Variants in ERO1B observed in about 807,000 individuals in gnomAD.
The protein encoded by ERO1B is endoplasmic reticulum oxidoreductase 1 beta.
ERO1B carries 49 observed loss-of-function variants against 75.3 expected under a neutral mutation model. The ratio of observed to expected loss-of-function variants is 0.65; its 90% CI spans 0.52 to 0.83. The LOEUF is 0.83. Among genes scored for constraint, ERO1B ranks in the 40% least tolerant of loss-of-function variants. The pLI, the probability that ERO1B is intolerant of heterozygous loss-of-function variation, is 0.00. For missense variants in ERO1B, 512 were observed against 560.1 expected, an observed-to-expected ratio of 0.91 and a Z score of 0.87; for synonymous variants, 191 against 192.9, an observed-to-expected ratio of 0.99 and a Z score of 0.08.
intron 8 of ERO1B, among the ~76,000 whole-genome samples, chr1:236,235,428 G>C (rs1299605723): frequency 6.6e-6 from 1 of 152,088 alleles, no homozygotes; most frequent in African/African-American, 2.4e-5. Context: ...AACAATGCCT[G>C]GTGTTCTCAT....
Position 236,215,641 on chromosome 1 carries a change from C to T in ERO1B, c.*2875G>A, listed in dbSNP as rs1408942043. 1 of 152,200 alleles carries T rather than the reference C, an allele frequency of 6.6e-6. No homozygotes were observed. Among genetic ancestry groups the T allele is most frequent in the Non-Finnish European group, 1.5e-5 (1 of 68,042 alleles). The allele number at this position is 152,200 out of a possible 1,614,324, so 9.4% of individuals were successfully genotyped here. On this transcript the variant is annotated 3_prime_UTR_variant, in exon 16 of 16. Transcript: ENST00000354619. ...TTTGGAATTCTGTTCAAAATCAAAG[C>T]TGCACCTGTAGATATTCCTTAAAAT...
chr1:236,259,434 G>A (rs570472976), intron 2 of ERO1B, among the ~76,000 whole-genome samples: 2 of 152,268 alleles, frequency 1.3e-5, no homozygotes, highest in South Asian at 4.1e-4. Flanking sequence ...CCAATCAAAA[G>A]TGGATTGGAT....
Position 236,281,798 on chromosome 1 carries a change from A to G in ERO1B, c.-15T>C. On this transcript the variant is annotated 5_prime_UTR_variant, in exon 1 of 16. Coordinates refer to ENST00000354619, the MANE Select transcript of ERO1B (RefSeq NM_019891.4). ...CCTTGGCTCATGCTGACCTCTACCC[A>G]CACCGCGGCCAGCCGGACCCCTCGG... is the stretch of plus-strand genomic sequence containing the variant. 7.0e-7 allele frequency: 1 copy of G among 1,418,632 alleles called. No individual in the cohort carries two copies. The highest frequency in any genetic ancestry group is 9.3e-7 in the Non-Finnish European group (1 of 1,078,520). 87.9% of individuals were successfully genotyped at this position (1,418,632 alleles called of 1,614,324 possible). A position where few individuals can be genotyped will look rare whatever the true frequency, so the allele number is the denominator to read the frequency against.
chr1:236,279,068 A>G (rs1331125778), intron 1 of ERO1B, among the ~76,000 whole-genome samples: 1 of 152,246 alleles, frequency 6.6e-6, no homozygotes, highest in Non-Finnish European at 1.5e-5. Context: ...TGTATAGACC[A>G]GAAAGGGTTC....
chr1:236,251,527 G>GACCCC, intron 4 of ERO1B: 2 of 924,360 alleles, frequency 2.2e-6, no homozygotes, highest in Non-Finnish European at 2.6e-6. Flanking sequence ...GACAGAGAGA[G>GACCCC]AGGGTATGAT....
chr1:236,237,619 T>C (rs1278380310), intron 6 of ERO1B, among the ~76,000 whole-genome samples: 2 of 152,210 alleles, frequency 1.3e-5, no homozygotes, highest in African/African-American at 2.4e-5. Flanking sequence ...CCTTTATTTA[T>C]ATGCTTACTA....
In ERO1B at chr1:236,281,843, G is replaced by T; in HGVS notation, c.-60C>A. The stretch of plus-strand genomic sequence containing the variant: ...CCTCGGGGCCGGGGAACGACGGGCG[G>T]CCCAGGCGACGACCCAAGGGGACGG... On this transcript the variant is annotated 5_prime_UTR_variant, in exon 1 of 16. Coordinates refer to ENST00000354619, the MANE Select transcript of ERO1B (RefSeq NM_019891.4). The T allele has an allele frequency of 2.3e-6, 3 of 1,279,742 alleles. No individual in the cohort carries two copies. The highest frequency in any genetic ancestry group is 2.0e-6 in the Non-Finnish European group (2 of 986,404). 79.3% of individuals were successfully genotyped at this position (1,279,742 alleles called of 1,614,324 possible). A position where few individuals can be genotyped will look rare whatever the true frequency, so the allele number is the denominator to read the frequency against.
In ERO1B at chr1:236,220,900, C is replaced by T; in HGVS notation, c.1275G>A (p.Glu425=). The T allele has an allele frequency of 6.2e-7, 1 of 1,603,902 alleles. No homozygotes were observed. The highest frequency in any genetic ancestry group is 8.5e-7 in the Non-Finnish European group (1 of 1,175,400). ...FSEKEIQKLP[E]NSPSKGFQLT... Reference sequence around the variant, plus strand: ...GTTGGAAGCCTTTAGATGGACTATTCTCTGGAAGCTTTTGGATTTCTTTTT... The same window carrying T: ...GTTGGAAGCCTTTAGATGGACTATTTTCTGGAAGCTTTTGGATTTCTTTTT... The change falls in exon 15 of 16, where the codon GAG becomes GAA. Residue 425 remains glutamate, a synonymous_variant. Transcript: ENST00000354619.
intron 15 of ERO1B, 122 bp downstream of exon 15, chr1:236,220,710 A>G: frequency 9.9e-7 from 1 of 1,013,394 alleles, no homozygotes; most frequent in Non-Finnish European, 1.4e-6. Context: ...GTTAGTACAG[A>G]TACAATATAA....
At chr1:236,228,453 G>A (rs894670372) in intron 10 of ERO1B, among the ~76,000 whole-genome samples, 10 of 152,134 alleles carry the variant, frequency 6.6e-5, no homozygotes, top group Non-Finnish European at 1.2e-4. Flanking sequence ...TTTAATTACC[G>A]AGGTCCAGGC....
At chr1:236,239,811 G>GTGTATATATATGTATATATATGTGTA (rs1664640370) in intron 6 of ERO1B, among the ~76,000 whole-genome samples, 1 of 59,598 alleles carries the variant, frequency 1.7e-5, no homozygotes, top group African/African-American at 4.6e-5. Flanking sequence ...ATATATGTGT[G>GTGTATATATATGTATATATATGTGTA]TATATATATA....
intron 2 of ERO1B, among the ~76,000 whole-genome samples, chr1:236,262,391 T>A (rs944818782): frequency 6.6e-6 from 1 of 152,144 alleles, no homozygotes; most frequent in Admixed American, 6.5e-5. Flanking sequence ...TGAAATGGCA[T>A]CTTTTCAGTC....
intron 10 of ERO1B, 114 bp downstream of exon 10, chr1:236,230,110 C>T: frequency 7.7e-6 from 6 of 774,394 alleles, no homozygotes; most frequent in East Asian, 3.0e-5. Context: ...TTTTTTTTTT[C>T]AAACTGTCAA....
At chr1:236,240,938 C>T (rs1664682791) in intron 6 of ERO1B, among the ~76,000 whole-genome samples, 1 of 152,028 alleles carries the variant, frequency 6.6e-6, no homozygotes, top group Admixed American at 6.6e-5. Flanking sequence ...GATAAAGTGA[C>T]ATTTGAGGAG....
In ERO1B at chr1:236,226,322, T is replaced by G; in HGVS notation, c.999A>C (p.Ala333=). ...RSIVDLYTGN[A]EEDADTKTLL... is the part of the protein sequence containing the mutation. ...GAGTTTTTGTGTCAGCATCTTCTTC[T>G]GCATTTCCAGTGTAAAGATCGACAA... The change falls in exon 12 of 16, where the codon GCA becomes GCC. Residue 333 remains alanine, a synonymous_variant. Transcript: ENST00000354619. 1.2e-6 allele frequency: 2 copies of G among 1,614,114 alleles called. No individual in the cohort carries two copies. Among genetic ancestry groups the G allele is most frequent in the Admixed American group, 1.7e-5 (1 of 60,010 alleles).
chr1:236,275,698 T>C lies in ERO1B; in HGVS notation c.103-5704A>G, dbSNP rs138041852. 6.4e-3 allele frequency among the ~76,000 whole-genome samples: 974 copies of C among 152,274 alleles called. 12 individuals are homozygous for C. Among genetic ancestry groups the C allele is most frequent in the African/African-American group, 0.022 (910 of 41,554 alleles). ...CAATCCTGAGGCTATCTATGTAGGG[T>C]CCCCGTCTTAAGTCATTTCATTACT... On this transcript the variant is annotated intron_variant, in intron 1 of 15. Coordinates refer to ENST00000354619, the MANE Select transcript of ERO1B (RefSeq NM_019891.4).
At chr1:236,229,862 A>AT (rs1473331982) in intron 10 of ERO1B, among the ~76,000 whole-genome samples, 2 of 152,218 alleles carry the variant, frequency 1.3e-5, no homozygotes, top group East Asian at 3.8e-4. Context: ...AATTTTATAT[A>AT]TAAAAAGTAC....
At chr1:236,271,532 A>G (rs1211646025) in intron 1 of ERO1B, among the ~76,000 whole-genome samples, 1 of 152,054 alleles carries the variant, frequency 6.6e-6, no homozygotes, top group Non-Finnish European at 1.5e-5. Flanking sequence ...TGCGAGTTCT[A>G]TTTTTTCCTT....
At chr1:236,229,424 A>G (rs78735974) in intron 10 of ERO1B, among the ~76,000 whole-genome samples, 1 of 133,258 alleles carries the variant, frequency 7.5e-6, no homozygotes, top group African/African-American at 2.7e-5. Context: ...CTCTGACTCA[A>G]AAAAAAAAAA....
Sources: gnomAD v4.1 joint callset for allele counts (sites outside exome capture counted in the v4.1 genomes callset) on GRCh38, gnomAD v4.1.1 for gene constraint, MANE v1.5 for transcripts, NCBI Gene and HGNC (gene_info 2026-07-23, HGNC 2026-07-21) for gene names.